ASTN2: variants seen among roughly 807,000 people sequenced by gnomAD.
The protein encoded by ASTN2 is astrotactin 2, also known as astrotactin-2.
ASTN2 carries 54 observed loss-of-function variants against 139.8 expected under a neutral mutation model. The ratio of observed to expected loss-of-function variants is 0.39; its 90% CI spans 0.31 to 0.48. The LOEUF (loss-of-function observed/expected upper bound fraction) is 0.48. Among genes scored for constraint, ASTN2 ranks in the 20% least tolerant of loss-of-function variants. The pLI, the probability that ASTN2 is intolerant of heterozygous loss-of-function variation, is 0.95. For synonymous variants in ASTN2, 756 were observed against 719.5 expected (o/e 1.05, Z -0.81); for missense variants, 1,565 against 1,725.1 (o/e 0.91, Z 1.64).
In ASTN2 at chr9:116,863,655, A is replaced by T; in HGVS notation, c.1968T>A (p.Ser656=). The T allele has an allele frequency of 6.2e-7, 1 of 1,614,198 alleles. No individual in the cohort carries two copies. The highest frequency in any genetic ancestry group is 8.5e-7 in the Non-Finnish European group (1 of 1,180,020). The change falls in exon 11 of 23, where the codon TCT becomes TCA. Residue 656 remains serine (S), a synonymous_variant. Transcript: ENST00000313400. ...TGCGAGTGCAGCCCCCATTGTTCCG[A>T]GAGCAGTCACGAACTGGCCCGAAGG... ...LSSFGPVRDC[S]RNNGGCTRNF...
chr9:117,289,636 G>C lies in ASTN2; in HGVS notation c.630+1690C>G, dbSNP rs183347886. ...TCACTCTCAAATGTTAAAGGAAGAAGAGCATTCACACCCCTCCGCCTCTTC... is the reference window on the plus strand; with the variant it reads ...TCACTCTCAAATGTTAAAGGAAGAACAGCATTCACACCCCTCCGCCTCTTC... On this transcript the variant is annotated intron_variant, in intron 2 of 22. Transcript: ENST00000313400. Among the ~76,000 whole-genome samples the C allele has an allele frequency of 2.8e-3, 424 of 152,288 alleles. 1 individual carries two copies. Among genetic ancestry groups the C allele is most frequent in the African/African-American group, 9.8e-3 (407 of 41,556 alleles).
intron 5 of ASTN2, among the ~76,000 whole-genome samples, chr9:117,061,316 T>G (rs1564407384): frequency 7.5e-6 from 1 of 133,266 alleles, no homozygotes; most frequent in Admixed American, 7.5e-5. Context: ...TTATCCTAAT[T>G]TTTTTGCCTT....
chr9:116,976,651 G>A (rs769730443), intron 8 of ASTN2, 50 bp downstream of exon 8: 2 of 1,532,566 alleles, frequency 1.3e-6, no homozygotes, highest in African/African-American at 1.4e-5. Flanking sequence ...AACAGAGGAG[G>A]TAAAAGTGGG....
At chr9:117,019,114 T>C (rs1020083629) in intron 6 of ASTN2, among the ~76,000 whole-genome samples, 1 of 152,022 alleles carries the variant, frequency 6.6e-6, no homozygotes, top group Non-Finnish European at 1.5e-5. Flanking sequence ...CTCTCATTAC[T>C]TCTGTAAATA....
chr9:117,385,441 T>A (rs1252158999), intron 1 of ASTN2, among the ~76,000 whole-genome samples: 1 of 152,114 alleles, frequency 6.6e-6, no homozygotes, highest in African/African-American at 2.4e-5. Context: ...CAGAGAGAGA[T>A]CTGTGAGAAC....
chr9:117,055,025 G>A (rs936197921), intron 5 of ASTN2, among the ~76,000 whole-genome samples: 2 of 152,254 alleles, frequency 1.3e-5, no homozygotes, highest in African/African-American at 4.8e-5. Context: ...GAAAAGAGGC[G>A]GAGCTTAGGC....
At chr9:116,535,058 A>C (rs1331733267) in intron 19 of ASTN2, among the ~76,000 whole-genome samples, 2 of 152,208 alleles carry the variant, frequency 1.3e-5, no homozygotes, top group Non-Finnish European at 2.9e-5. Context: ...TATTGGGTGC[A>C]TGTATATTTA....
At chr9:117,277,795 A>G (rs1834229713) in intron 2 of ASTN2, among the ~76,000 whole-genome samples, 1 of 152,176 alleles carries the variant, frequency 6.6e-6, no homozygotes, top group African/African-American at 2.4e-5. Context: ...TGGGTAAACT[A>G]CCCTAAATAA....
chr9:117,258,206 A>G (rs1833737510), intron 2 of ASTN2, among the ~76,000 whole-genome samples: 1 of 152,136 alleles, frequency 6.6e-6, no homozygotes, highest in Admixed American at 6.5e-5. Context: ...AGGCTGACAG[A>G]CTTGGTGCTG....
At chr9:116,803,611 G>A (rs1295489782) in intron 13 of ASTN2, among the ~76,000 whole-genome samples, 2 of 145,194 alleles carry the variant, frequency 1.4e-5, no homozygotes, top group African/African-American at 2.5e-5. Context: ...TGCAAGCTCC[G>A]CCTCCTGGGT....
intron 16 of ASTN2, among the ~76,000 whole-genome samples, chr9:116,677,601 A>AC (rs200463894): frequency 1.3e-5 from 2 of 151,880 alleles, no homozygotes; most frequent in African/African-American, 4.8e-5. Flanking sequence ...AAACACCCCC[A>AC]CCCCCCACTG....
At chr9:117,373,232 C>T (rs1386117895) in intron 1 of ASTN2, among the ~76,000 whole-genome samples, 1 of 152,146 alleles carries the variant, frequency 6.6e-6, no homozygotes, top group Non-Finnish European at 1.5e-5. Context: ...AAACAAACTC[C>T]TTAAAAGACT....
chr9:116,787,102 G>T (rs535271508), intron 13 of ASTN2, among the ~76,000 whole-genome samples: 2 of 152,256 alleles, frequency 1.3e-5, no homozygotes, highest in East Asian at 3.9e-4. Flanking sequence ...CCAGTCTTGG[G>T]TATGTCCTTA....
At chr9:116,949,686 A>T (rs1835502483) in intron 10 of ASTN2, among the ~76,000 whole-genome samples, 1 of 152,234 alleles carries the variant, frequency 6.6e-6, no homozygotes, top group African/African-American at 2.4e-5. Context: ...AGGAAAAACA[A>T]TAATGAAGCC....
intron 6 of ASTN2, among the ~76,000 whole-genome samples, chr9:117,027,110 G>C (rs188569303): frequency 3.3e-5 from 5 of 152,124 alleles, no homozygotes; most frequent in Admixed American, 6.6e-5. Context: ...CTGAAAGGAC[G>C]GTGATGGCAA....
intron 4 of ASTN2, among the ~76,000 whole-genome samples, chr9:117,102,414 T>C (rs577380282): frequency 6.6e-5 from 10 of 152,250 alleles, no homozygotes; most frequent in Non-Finnish European, 1.5e-4. Flanking sequence ...TTAATAACTA[T>C]TGAGTTTCTT....
chr9:116,976,522 A>G (rs772084577), intron 8 of ASTN2, among the ~76,000 whole-genome samples, 179 bp downstream of exon 8: 1 of 152,336 alleles, frequency 6.6e-6, no homozygotes, highest in Non-Finnish European at 1.5e-5. Context: ...ATGTACCTTT[A>G]ATACTAAAAT....
intron 3 of ASTN2, among the ~76,000 whole-genome samples, chr9:117,196,469 C>T (rs571074791): frequency 2.0e-5 from 3 of 152,318 alleles, no homozygotes; most frequent in East Asian, 1.9e-4. Context: ...TTTCTACCAA[C>T]AAGCATTCCA....
intron 2 of ASTN2, among the ~76,000 whole-genome samples, chr9:117,269,414 C>T (rs1834011838): frequency 6.6e-6 from 1 of 152,106 alleles, no homozygotes; most frequent in Non-Finnish European, 1.5e-5. Flanking sequence ...GCCATCTTCT[C>T]CTCTATTTCT....
Sources: gnomAD v4.1 joint callset for allele counts (sites outside exome capture counted in the v4.1 genomes callset) on GRCh38, gnomAD v4.1.1 for gene constraint, MANE v1.5 for transcripts, NCBI Gene and HGNC (gene_info 2026-07-23, HGNC 2026-07-21) for gene names.